Variants in TAS2R1 observed in about 807,000 individuals in gnomAD.
TAS2R1 encodes taste 2 receptor member 1.
For missense variants in TAS2R1, 370 were observed against 353.4 expected (o/e 1.05, Z -0.38); for synonymous variants, 141 against 134.2 (o/e 1.05, Z -0.35).
At chr5:9,733,238 G>A in the TAS2R1 span, among the ~76,000 whole-genome samples, 1 of 152,318 alleles carries the variant, frequency 6.6e-6, no homozygotes, top group Non-Finnish European at 1.5e-5. Flanking sequence ...CCTTCCATCT[G>A]TTTTTGTGAA....
the TAS2R1 span, among the ~76,000 whole-genome samples, chr5:9,796,007 C>T: frequency 4.6e-5 from 7 of 152,174 alleles, no homozygotes; most frequent in Non-Finnish European, 7.3e-5. Context: ...GGGAACTTGT[C>T]TGCAGGCAAA....
At chr5:9,878,911 G>A in the TAS2R1 span, among the ~76,000 whole-genome samples, 3 of 152,204 alleles carry the variant, frequency 2.0e-5, no homozygotes, top group Non-Finnish European at 4.4e-5. Flanking sequence ...GGTTTGGAGT[G>A]CAGACATAAA....
At chr5:9,885,646 C>A in the TAS2R1 span, among the ~76,000 whole-genome samples, 1 of 152,070 alleles carries the variant, frequency 6.6e-6, no homozygotes, top group Admixed American at 6.6e-5. Context: ...TAGTTCCATA[C>A]CAGCATCTAA....
rs140662297 is a variant in TAS2R1, at chr5:9,699,131, G to C, written c.-242+13041C>G. On this transcript the variant is annotated intron_variant, in intron 1 of 2. Coordinates refer to the TAS2R1 transcript ENST00000506620. Reference sequence around the variant, plus strand: ...CAGAAGAATAGAGGTAAATTGTGAAGTCAGAGAGAATGAATCCAGATGCAA... The same window carrying C: ...CAGAAGAATAGAGGTAAATTGTGAACTCAGAGAGAATGAATCCAGATGCAA... Among the ~76,000 whole-genome samples, 682 of 152,360 alleles carry C rather than the reference G, an allele frequency of 4.5e-3. 2 individuals are homozygous for C. The highest frequency in any genetic ancestry group is 0.016 in the African/African-American group (657 of 41,584).
chr5:9,660,535 T>C (rs1203834113), intron 1 of TAS2R1, among the ~76,000 whole-genome samples: 1 of 152,166 alleles, frequency 6.6e-6, no homozygotes. Context: ...TGAAACCCAA[T>C]GGCCGCAACG....
chr5:9,783,989 A>C, the TAS2R1 span, among the ~76,000 whole-genome samples: 1 of 152,186 alleles, frequency 6.6e-6, no homozygotes, highest in Non-Finnish European at 1.5e-5. Context: ...TGGACAAATG[A>C]CTTAACCTCT....
chr5:9,884,405 C>T, the TAS2R1 span, among the ~76,000 whole-genome samples: 1 of 146,618 alleles, frequency 6.8e-6, no homozygotes, highest in African/African-American at 2.5e-5. Flanking sequence ...ACCCAGGAGG[C>T]AGAGGTTGCA....
At chr5:9,784,591 C>T in the TAS2R1 span, among the ~76,000 whole-genome samples, 3 of 152,178 alleles carry the variant, frequency 2.0e-5, no homozygotes, top group East Asian at 5.8e-4. Flanking sequence ...GAAAAGCAGG[C>T]CAGAGTAAAA....
the TAS2R1 span, among the ~76,000 whole-genome samples, chr5:9,825,282 T>C: frequency 1.3e-5 from 2 of 152,262 alleles, no homozygotes; most frequent in South Asian, 4.1e-4. Context: ...TGGGGAGGCC[T>C]CACAATCACA....
At chr5:9,817,996 C>T in the TAS2R1 span, among the ~76,000 whole-genome samples, 1 of 145,234 alleles carries the variant, frequency 6.9e-6, no homozygotes. Flanking sequence ...CAATCACCTC[C>T]CACCATGTCC....
At chr5:9,680,301 G>A (rs1334615459) in intron 1 of TAS2R1, among the ~76,000 whole-genome samples, 1 of 152,160 alleles carries the variant, frequency 6.6e-6, no homozygotes, top group African/African-American at 2.4e-5. Context: ...CAGTCTTACG[G>A]GTGGAAGAGT....
At chr5:9,764,033 T>C in the TAS2R1 span, among the ~76,000 whole-genome samples, 2 of 152,250 alleles carry the variant, frequency 1.3e-5, no homozygotes, top group African/African-American at 4.8e-5. Flanking sequence ...TGACCTCCTA[T>C]GCTTTTATCC....
At chr5:9,745,597 C>T in the TAS2R1 span, among the ~76,000 whole-genome samples, 3 of 151,966 alleles carry the variant, frequency 2.0e-5, no homozygotes, top group Non-Finnish European at 2.9e-5. Flanking sequence ...AGAAGAGAGA[C>T]CTCAGAAATA....
chr5:9,726,427 C>G, the TAS2R1 span, among the ~76,000 whole-genome samples: 2 of 152,142 alleles, frequency 1.3e-5, no homozygotes, highest in Non-Finnish European at 2.9e-5. Flanking sequence ...GCAGGTTGTC[C>G]GAGCCAGCAG....
the TAS2R1 span, among the ~76,000 whole-genome samples, chr5:9,834,664 C>T: frequency 2.0e-5 from 3 of 152,034 alleles, no homozygotes; most frequent in Non-Finnish European, 4.4e-5. Flanking sequence ...TAGCTCCCTC[C>T]CCTGCATTAG....
intron 1 of TAS2R1, among the ~76,000 whole-genome samples, chr5:9,676,924 T>C (rs1405956817): frequency 6.6e-6 from 1 of 152,088 alleles, no homozygotes; most frequent in Non-Finnish European, 1.5e-5. Context: ...CAAAGAAATA[T>C]AAATTATTCT....
intron 2 of TAS2R1, among the ~76,000 whole-genome samples, chr5:9,642,265 T>C (rs1740100828): frequency 6.6e-6 from 1 of 152,172 alleles, no homozygotes; most frequent in Non-Finnish European, 1.5e-5. Flanking sequence ...GTGGTTTTAA[T>C]ACCTTTCCCA....
At chr5:9,688,862 A>C (rs993032196) in intron 1 of TAS2R1, among the ~76,000 whole-genome samples, 1 of 152,064 alleles carries the variant, frequency 6.6e-6, no homozygotes, top group African/African-American at 2.4e-5. Flanking sequence ...CCAGGGCGGG[A>C]ATGGAGCAGT....
At chr5:9,662,138 T>C (rs1740550477) in intron 1 of TAS2R1, among the ~76,000 whole-genome samples, 1 of 152,168 alleles carries the variant, frequency 6.6e-6, no homozygotes, top group South Asian at 2.1e-4. Flanking sequence ...CCCTTTGATG[T>C]AAGCAAGTCA....
Sources: gnomAD v4.1 joint callset for allele counts (sites outside exome capture counted in the v4.1 genomes callset) on GRCh38, gnomAD v4.1.1 for gene constraint, MANE v1.5 for transcripts, NCBI Gene and HGNC (gene_info 2026-07-23, HGNC 2026-07-21) for gene names.